NEUROG2: variants seen among roughly 807,000 people sequenced by gnomAD.
NEUROG2 encodes the protein neurogenin-2.
Under a neutral mutation model 2.8 loss-of-function variants are expected in NEUROG2, and 1 was observed. The observed-to-expected ratio is 0.36, with a 90% CI of 0.13 to 1.71. The LOEUF is 1.71. NEUROG2 is among the 40% of genes most tolerant of loss of function. The probability of loss-of-function intolerance (pLI) is 0.34; values close to 1 mark genes in which losing one functional copy is unlikely to be tolerated. For missense variants in NEUROG2, 397 were observed against 392.7 expected (o/e 1.01, Z -0.09); for synonymous variants, 211 against 187.7 (o/e 1.12, Z -1.01).
rs1354302859 is a variant in NEUROG2 at position 112,514,666 on chromosome 4, A to G, written c.810T>C (p.Asp270=). 2 of 1,507,860 alleles carry G rather than the reference A, an allele frequency of 1.3e-6. No homozygotes were observed. The highest frequency in any genetic ancestry group is 1.8e-4 in the Middle Eastern group (1 of 5,572). 93.4% of individuals were successfully genotyped at this position (1,507,860 alleles called of 1,614,324 possible). Residue 270 remains aspartate, a synonymous_variant, in exon 2 of 2, where the codon GAT becomes GAC. Transcript: ENST00000313341. ...AGCAGAAATGGCAGCTCTAGATACA[A>G]TCCCTGGCTATGGGGAGGTGAGGTG... ...RYAPHLPIAR[D]CI is the part of the protein sequence containing the mutation.
rs138686431 is a variant in NEUROG2 at position 112,514,864 on chromosome 4, G to C, written c.612C>G (p.Ser204Arg). ...PGGASAALSS[S>R]GDSPSPASTW... ...TGGAGGCGGGCGAGGGGCTGTCTCC[G>C]CTGCTGCTCAGGGCGGCGCTGGCTC... The change falls in exon 2 of 2, where the codon AGC (serine) becomes AGG (arginine). Residue 204 changes from serine (S) to arginine (R), a missense_variant. Transcript: ENST00000313341. 9.4e-5 allele frequency: 150 copies of C among 1,597,600 alleles called. 1 individual carries two copies. The highest frequency in any genetic ancestry group is 5.1e-6 in the Non-Finnish European group (6 of 1,174,822).
Position 112,515,306 on chromosome 4 carries a change from G to T in NEUROG2, c.170C>A (p.Ala57Asp), listed in dbSNP as rs1736409238. 7.1e-7 allele frequency: 1 copy of T among 1,408,566 alleles called. No homozygotes were observed. Among genetic ancestry groups the T allele is most frequent in the Non-Finnish European group, 9.2e-7 (1 of 1,089,392 alleles). 87.3% of individuals were successfully genotyped at this position (1,408,566 alleles called of 1,614,324 possible). The change falls in exon 2 of 2, where the codon GCT becomes GAT. Residue 57 changes from alanine to aspartate, a missense_variant. Coordinates refer to ENST00000313341, the MANE Select transcript of NEUROG2 (RefSeq NM_024019.4). Reference protein sequence around the residue: ...ASGGARRQRGAEAGQGARGGV... With the variant: ...ASGGARRQRGDEAGQGARGGV... ...GCCCCGCGCCCCCTGCCCGGCCTCAGCCCCGCGCTGCCGACGCGCCCCGCC... is the reference window on the plus strand; with the variant it reads ...GCCCCGCGCCCCCTGCCCGGCCTCATCCCCGCGCTGCCGACGCGCCCCGCC...
At position 112,514,661 on chromosome 4, in the gene NEUROG2, A is replaced by C; in HGVS notation, c.815T>G (p.Ile272Ser). ...TGGGTAGCAGAAATGGCAGCTCTAG[A>C]TACAATCCCTGGCTATGGGGAGGTG... ...APHLPIARDC[I>S] Residue 272 changes from isoleucine (I) to serine (S), a missense_variant, in exon 2 of 2, where the codon ATC becomes AGC. Physicochemically the swap from Ile to Ser is moderately radical, Grantham distance 142 (BLOSUM62 -2). Coordinates refer to ENST00000313341, the MANE Select transcript of NEUROG2 (RefSeq NM_024019.4). The C allele has an allele frequency of 6.6e-7, 1 of 1,507,462 alleles. No individual in the cohort carries two copies. Among genetic ancestry groups the C allele is most frequent in the Non-Finnish European group, 8.9e-7 (1 of 1,129,712 alleles). 93.4% of individuals were successfully genotyped at this position (1,507,462 alleles called of 1,614,324 possible). A position where few individuals can be genotyped will look rare whatever the true frequency, so the allele number is the denominator to read the frequency against.
intron 1 of NEUROG2, 146 bp from the exon 2 acceptor site, chr4:112,515,622 C>A: frequency 1.7e-6 from 1 of 579,146 alleles, no homozygotes; most frequent in Non-Finnish European, 2.7e-6. Flanking sequence ...AGGAAGAAAC[C>A]CAGGCAGTGC....
Position 112,514,597 on chromosome 4 carries a change from C to T in NEUROG2, c.*60G>A, listed in dbSNP as rs1441024409. On this transcript the variant is annotated 3_prime_UTR_variant, in exon 2 of 2. Transcript: ENST00000313341. ...AGGGGCAGGGGAAGGGAGGAGGGCT[C>T]GACTGGGGACAGGAAAGGGAACCCA... 6 of 1,388,308 alleles carry T rather than the reference C, an allele frequency of 4.3e-6. No individual in the cohort carries two copies. The South Asian group carries it at 6.8e-5, about 16-fold the overall frequency. The allele number at this position is 1,388,308 out of a possible 1,614,324, so 86.0% of individuals were successfully genotyped here. A position where few individuals can be genotyped will look rare whatever the true frequency, so the allele number is the denominator to read the frequency against.
rs543548321 is a variant in NEUROG2 at position 112,515,270 on chromosome 4, G to C, written c.206C>G (p.Ala69Gly). 2.0e-6 allele frequency: 3 copies of C among 1,521,852 alleles called. No homozygotes were observed. Among genetic ancestry groups the C allele is most frequent in the Non-Finnish European group, 2.6e-6 (3 of 1,144,356 alleles). 94.3% of individuals were successfully genotyped at this position (1,521,852 alleles called of 1,614,324 possible). A position where few individuals can be genotyped will look rare whatever the true frequency, so the allele number is the denominator to read the frequency against. The change falls in exon 2 of 2, where the codon GCG becomes GGG. Residue 69 changes from alanine (A) to glycine (G), a missense_variant. Ala to Gly is a moderately conservative substitution (Grantham distance 60). Transcript: ENST00000313341. ...TGCGGGCCGGCAGCCCTCCGCACCC[G>C]CAGCCACGCCGCCCCGCGCCCCCTG... ...AGQGARGGVA[A>G]GAEGCRPARL... is the part of the protein sequence containing the mutation.
Position 112,515,462 on chromosome 4 carries a change from G to T in NEUROG2, c.14C>A (p.Ser5Tyr), listed in dbSNP as rs1736417347. The change falls in exon 2 of 2, where the codon TCC becomes TAC. Residue 5 changes from serine to tyrosine, a missense_variant. Physicochemically the swap from Ser to Tyr is moderately radical, Grantham distance 144. Transcript: ENST00000313341. MFVKSETLELKEEED... is the reference protein window; with the variant it reads MFVKYETLELKEEED... ...TTCCTCCTTCAACTCCAAGGTCTCGGATTTGACGAACATCCTACCGAAGAG... is the reference window on the plus strand; with the variant it reads ...TTCCTCCTTCAACTCCAAGGTCTCGTATTTGACGAACATCCTACCGAAGAG... The T allele has an allele frequency of 1.3e-6, 2 of 1,522,950 alleles. No homozygotes were observed. Among genetic ancestry groups the T allele is most frequent in the African/African-American group, 1.4e-5 (1 of 69,408 alleles). The allele number at this position is 1,522,950 out of a possible 1,614,324, so 94.3% of individuals were successfully genotyped here.
rs1249024052 is a variant in NEUROG2 at position 112,513,692 on chromosome 4, T to C, written c.*965A>G. 3 of 152,668 alleles carry C rather than the reference T, an allele frequency of 2.0e-5. No individual in the cohort carries two copies. The highest frequency in any genetic ancestry group is 4.4e-5 in the Non-Finnish European group (3 of 68,044). The allele number at this position is 152,668 out of a possible 1,614,324, so 9.5% of individuals were successfully genotyped here. On this transcript the variant is annotated 3_prime_UTR_variant, in exon 2 of 2. Coordinates refer to ENST00000313341, the MANE Select transcript of NEUROG2 (RefSeq NM_024019.4). ...ACACGTGTGTGGCTGATCCGGATAA[T>C]GCTCCGTGTCTGCTTAGGTTTTCAG...
Position 112,515,646 on chromosome 4 carries a change from G to T in NEUROG2, c.-1-170C>A, listed in dbSNP as rs1736425502. The T allele has an allele frequency of 1.2e-5, 6 of 480,540 alleles. No individual in the cohort carries two copies. The East Asian group carries it at 2.4e-4, about 19-fold the overall frequency. 29.8% of individuals were successfully genotyped at this position (480,540 alleles called of 1,614,324 possible). ...CCCAGGCAGTGCTAACCAAGGTCAG[G>T]AGCGCCGCTAGCGCTCGCTGTGACC... On this transcript the variant is annotated intron_variant, in intron 1 of 1. Coordinates refer to ENST00000313341, the MANE Select transcript of NEUROG2 (RefSeq NM_024019.4).
rs1457300746 is a variant in NEUROG2 at position 112,515,379 on chromosome 4, G to T, written c.97C>A (p.Leu33Met). 6.6e-7 allele frequency: 1 copy of T among 1,521,412 alleles called. No homozygotes were observed. Among genetic ancestry groups the T allele is most frequent in the Non-Finnish European group, 8.7e-7 (1 of 1,143,980 alleles). The allele number at this position is 1,521,412 out of a possible 1,614,324, so 94.2% of individuals were successfully genotyped here. A position where few individuals can be genotyped will look rare whatever the true frequency, so the allele number is the denominator to read the frequency against. ...ASPALAALTP[L>M]SSSADEEEEE... ...TCTTCTTCGTCGGCGCTGGATGACA[G>T]CGGGGTCAGGGCCGCCAAGGCGGGG... Residue 33 changes from leucine (L) to methionine (M), a missense_variant, in exon 2 of 2, where the codon CTG (leucine) becomes ATG (methionine). Transcript: ENST00000313341.
chr4:112,513,646 C>A lies in NEUROG2; in HGVS notation c.*1011G>T, dbSNP rs1232262264. The A allele has an allele frequency of 3.9e-5, 6 of 152,676 alleles. No individual in the cohort carries two copies. Among genetic ancestry groups the A allele is most frequent in the Non-Finnish European group, 7.4e-5 (5 of 68,006 alleles). The allele number at this position is 152,676 out of a possible 1,614,324, so 9.5% of individuals were successfully genotyped here. On this transcript the variant is annotated 3_prime_UTR_variant, in exon 2 of 2. Coordinates refer to ENST00000313341, the MANE Select transcript of NEUROG2 (RefSeq NM_024019.4). ...ATACATATTTTCCCATGAAAAATTT[C>A]TTTATAATAAATAGAAGGGAACACG...
chr4:112,515,024 A>T lies in NEUROG2; in HGVS notation c.452T>A (p.Ile151Asn). ...GTTGTGGGCGAAGCGCAGGGTCTCGATCTTGGTGAGCTTGGCGTCCTCGGG... is the reference window on the plus strand; with the variant it reads ...GTTGTGGGCGAAGCGCAGGGTCTCGTTCTTGGTGAGCTTGGCGTCCTCGGG... ...TFPEDAKLTK[I>N]ETLRFAHNYI... The change falls in exon 2 of 2, where the codon ATC (isoleucine) becomes AAC (asparagine). Residue 151 changes from isoleucine to asparagine, a missense_variant. Transcript: ENST00000313341. 6.2e-7 allele frequency: 1 copy of T among 1,613,448 alleles called. No individual in the cohort carries two copies. Among genetic ancestry groups the T allele is most frequent in the Non-Finnish European group, 8.5e-7 (1 of 1,179,784 alleles).
Position 112,514,739 on chromosome 4 carries a change from G to A in NEUROG2, c.737C>T (p.Ser246Leu), listed in dbSNP as rs766366772. ...CTLSPASPAG[S>L]DMDYWQPPPP... is the part of the protein sequence containing the mutation. ...TGGGGGCTGCCAATAGTCCATGTCT[G>A]ACCCGGCCGGGCTGGCGGGCGATAA... The change falls in exon 2 of 2, where the codon TCA becomes TTA. Residue 246 changes from serine (S) to leucine (L), a missense_variant. Coordinates refer to ENST00000313341, the MANE Select transcript of NEUROG2 (RefSeq NM_024019.4). 6.5e-7 allele frequency: 1 copy of A among 1,531,146 alleles called. No individual in the cohort carries two copies. Among genetic ancestry groups the A allele is most frequent in the East Asian group, 2.3e-5 (1 of 44,134 alleles). The allele number at this position is 1,531,146 out of a possible 1,614,324, so 94.8% of individuals were successfully genotyped here. A position where few individuals can be genotyped will look rare whatever the true frequency, so the allele number is the denominator to read the frequency against.
chr4:112,515,353 C>A lies in NEUROG2; in HGVS notation c.123G>T (p.Glu41Asp). 2 of 1,492,554 alleles carry A rather than the reference C, an allele frequency of 1.3e-6. No homozygotes were observed. The highest frequency in any genetic ancestry group is 1.4e-5 in the South Asian group (1 of 73,636). The allele number at this position is 1,492,554 out of a possible 1,614,324, so 92.5% of individuals were successfully genotyped here. The change falls in exon 2 of 2, where the codon GAG becomes GAT. Residue 41 changes from glutamate (E) to aspartate (D), a missense_variant. Glu to Asp is a conservative substitution (Grantham distance 45, BLOSUM62 2). Transcript: ENST00000313341. ...TPLSSSADEE[E>D]EEEPGASGGA... is the part of the protein sequence containing the mutation. ...CGCCTGACGCGCCCGGCTCCTCCTCCTCTTCTTCGTCGGCGCTGGATGACA... is the reference window on the plus strand; with the variant it reads ...CGCCTGACGCGCCCGGCTCCTCCTCATCTTCTTCGTCGGCGCTGGATGACA...
chr4:112,515,413 T>A lies in NEUROG2; in HGVS notation c.63A>T (p.Gly21=). ...KEEEDVLVLL[G]SASPALAALT... Reference sequence around the variant, plus strand: ...GGGCCGCCAAGGCGGGGGAGGCCGATCCGAGCAGCACTAACACGTCCTCTT... The same window carrying A: ...GGGCCGCCAAGGCGGGGGAGGCCGAACCGAGCAGCACTAACACGTCCTCTT... Residue 21 remains glycine, a synonymous_variant, in exon 2 of 2, where the codon GGA becomes GGT. Transcript: ENST00000313341. The A allele has an allele frequency of 6.6e-7, 1 of 1,524,856 alleles. No homozygotes were observed. Among genetic ancestry groups the A allele is most frequent in the South Asian group, 1.2e-5 (1 of 80,718 alleles). 94.5% of individuals were successfully genotyped at this position (1,524,856 alleles called of 1,614,324 possible).
At chr4:112,515,682 T>G (rs1736427101) in intron 1 of NEUROG2, 165 bp downstream of exon 1, 5 of 397,172 alleles carry the variant, frequency 1.3e-5, no homozygotes, top group Non-Finnish European at 1.8e-5. Context: ...CTGCTGCCAG[T>G]CAGCCGGGTC....
In NEUROG2 at chr4:112,515,127, C is replaced by T; in HGVS notation, c.349G>A (p.Ala117Thr). The change falls in exon 2 of 2, where the codon GCC (alanine) becomes ACC (threonine). Residue 117 changes from alanine to threonine, a missense_variant. Ala to Thr is a moderately conservative substitution (Grantham distance 58). Coordinates refer to ENST00000313341, the MANE Select transcript of NEUROG2 (RefSeq NM_024019.4). ...ATGCGGTTTCGCTCGCGGTTGTTGG[C>T]CTTCAGTCTACGGGTCTTCTTGATG... Reference protein sequence around the residue: ...QRIKKTRRLKANNRERNRMHN... With the variant: ...QRIKKTRRLKTNNRERNRMHN... 1 of 1,613,898 alleles carries T rather than the reference C, an allele frequency of 6.2e-7. No homozygotes were observed. The highest frequency in any genetic ancestry group is 8.5e-7 in the Non-Finnish European group (1 of 1,179,904).
In NEUROG2 at chr4:112,514,404, C is replaced by G; in HGVS notation, c.*253G>C. On this transcript the variant is annotated 3_prime_UTR_variant, in exon 2 of 2. Transcript: ENST00000313341. The stretch of plus-strand genomic sequence containing the variant: ...GGTCTTTTTCGTCTCAAGAAGCGCC[C>G]CCAAAACGCCACCCTTGGCTTTGAC... The G allele has an allele frequency of 2.5e-6, 1 of 392,200 alleles. No homozygotes were observed. The allele number at this position is 392,200 out of a possible 1,614,324, so 24.3% of individuals were successfully genotyped here.
In NEUROG2 at chr4:112,515,195, C is replaced by G. The variant is rs771206298; in HGVS notation, c.281G>C (p.Arg94Pro). The change falls in exon 2 of 2, where the codon CGG (arginine) becomes CCG (proline). Residue 94 changes from arginine to proline, a missense_variant. By Grantham distance (103) the Arg-to-Pro change is moderately radical. Transcript: ENST00000313341. ...CGTCTTGGCGCCTCGGGAGACGGCC[C>G]GCGCCCGGGAAGGGCGCCGTTTGCA... ...HDCKRRPSRA[R>P]AVSRGAKTAE... 4 of 1,610,990 alleles carry G rather than the reference C, an allele frequency of 2.5e-6. No homozygotes were observed. Among genetic ancestry groups the G allele is most frequent in the Non-Finnish European group, 3.4e-6 (4 of 1,179,730 alleles).
Sources: allele counts gnomAD v4.1 joint callset, GRCh38; gene constraint gnomAD v4.1.1; transcripts MANE v1.5; gene names NCBI Gene and HGNC (gene_info 2026-07-23, HGNC 2026-07-21).